ARHGAP28: variants seen among roughly 807,000 people sequenced by gnomAD.
ARHGAP28 encodes Rho GTPase activating protein 28, also known as rho GTPase-activating protein 28.
A neutral mutation model predicts 90.7 loss-of-function variants in ARHGAP28; 56 were observed. The ratio of observed to expected loss-of-function variants is 0.62; its 90% confidence interval spans 0.50 to 0.77. ARHGAP28 has a LOEUF of 0.77. Ranked by LOEUF, ARHGAP28 falls within the 30% of genes least tolerant of loss-of-function variation. The pLI, the probability that ARHGAP28 is intolerant of heterozygous loss-of-function variation, is 0.00. For missense variants in ARHGAP28, 869 were observed against 900.9 expected (o/e 0.96, Z 0.45); for synonymous variants, 308 against 323.3 (o/e 0.95, Z 0.51).
intron 1 of ARHGAP28, among the ~76,000 whole-genome samples, chr18:6,812,101 A>G (rs925413694): frequency 6.6e-6 from 1 of 152,158 alleles, no homozygotes; most frequent in Non-Finnish European, 1.5e-5. Flanking sequence ...GCTAGTCTTT[A>G]TTTAATTCAT....
rs1485414150 is a variant in ARHGAP28, at chr18:6,837,085, C to T, written c.326-112C>T. 3 of 770,948 alleles carry T rather than the reference C, an allele frequency of 3.9e-6. No individual in the cohort carries two copies. In the African/African-American group the frequency reaches 5.3e-5, roughly 14 times the overall value. 47.8% of individuals were successfully genotyped at this position (770,948 alleles called of 1,614,324 possible). A position where few individuals can be genotyped will look rare whatever the true frequency, so the allele number is the denominator to read the frequency against. Reference sequence around the variant, plus strand: ...TTCTTGTAGTTCTTTCCCATAATTACTGTAGAAAAAAAATACAAATATTAT... The same window carrying T: ...TTCTTGTAGTTCTTTCCCATAATTATTGTAGAAAAAAAATACAAATATTAT... On this transcript the variant is annotated intron_variant, in intron 2 of 17. Transcript: ENST00000383472.
chr18:6,904,220 C>G (rs183119633), intron 16 of ARHGAP28, among the ~76,000 whole-genome samples: 28 of 152,192 alleles, frequency 1.8e-4, no homozygotes, highest in Non-Finnish European at 4.0e-4. Context: ...ATGGCGAACC[C>G]TCATCTCTAG....
intron 3 of ARHGAP28, among the ~76,000 whole-genome samples, chr18:6,843,303 T>C (rs2056842012): frequency 6.6e-6 from 1 of 152,210 alleles, no homozygotes; most frequent in Admixed American, 6.5e-5. Flanking sequence ...ACTGCCGCTC[T>C]TCAGTGTCTG....
intron 2 of ARHGAP28, among the ~76,000 whole-genome samples, chr18:6,835,170 A>C (rs141788882): frequency 9.7e-4 from 148 of 152,244 alleles, no homozygotes; most frequent in African/African-American, 3.5e-3. Flanking sequence ...CCTCTGATTT[A>C]TGTCAACTCC....
At chr18:6,777,136 C>T (rs766864531) in intron 1 of ARHGAP28, among the ~76,000 whole-genome samples, 7 of 152,012 alleles carry the variant, frequency 4.6e-5, no homozygotes, top group East Asian at 3.9e-4. Flanking sequence ...ACCAGTTAGG[C>T]GGTGCAATAA....
chr18:6,908,125 G>A (rs189574730), intron 16 of ARHGAP28, among the ~76,000 whole-genome samples: 3 of 149,374 alleles, frequency 2.0e-5, no homozygotes, highest in Admixed American at 6.7e-5. Flanking sequence ...ATTTTATTTT[G>A]TTTTATTTTA....
At chr18:6,856,544 C>G (rs1375510616) in intron 4 of ARHGAP28, among the ~76,000 whole-genome samples, 7 of 152,148 alleles carry the variant, frequency 4.6e-5, no homozygotes, top group African/African-American at 1.2e-4. Context: ...GGGTCTCACT[C>G]TGTTGTCCAG....
At chr18:6,791,844 T>TG (rs1440058910) in intron 1 of ARHGAP28, among the ~76,000 whole-genome samples, 2 of 152,212 alleles carry the variant, frequency 1.3e-5, no homozygotes, top group East Asian at 1.9e-4. Flanking sequence ...TGTGGGTTTT[T>TG]TTTGTTTGTT....
intron 2 of ARHGAP28, among the ~76,000 whole-genome samples, chr18:6,826,599 G>A (rs919300125): frequency 2.7e-5 from 4 of 150,214 alleles, no homozygotes; most frequent in Non-Finnish European, 4.4e-5. Flanking sequence ...CATCTCCCAC[G>A]AGCGCGTATG....
intron 5 of ARHGAP28, 33 bp downstream of exon 5, chr18:6,859,930 A>C: frequency 8.2e-6 from 13 of 1,586,146 alleles, no homozygotes; most frequent in Non-Finnish European, 1.0e-5. Context: ...GTTACATGTC[A>C]AGGTACAGTT....
chr18:6,782,531 C>T (rs753508787), intron 1 of ARHGAP28, among the ~76,000 whole-genome samples: 6 of 144,724 alleles, frequency 4.1e-5, no homozygotes, highest in Non-Finnish European at 7.5e-5. Flanking sequence ...GATTCTCATG[C>T]GTCAGCTTCC....
At chr18:6,859,676 A>G in intron 4 of ARHGAP28, 132 bp from the exon 5 acceptor site, 7 of 884,232 alleles carry the variant, frequency 7.9e-6, no homozygotes, top group Non-Finnish European at 1.2e-5. Flanking sequence ...GTTGGATGCA[A>G]TTGTCCATGC....
chr18:6,832,120 C>T (rs530473332), intron 2 of ARHGAP28, among the ~76,000 whole-genome samples: 4 of 152,020 alleles, frequency 2.6e-5, no homozygotes, highest in East Asian at 3.9e-4. Context: ...ATAAGCATTG[C>T]TATCACTCCA....
At chr18:6,827,454 G>A (rs2056677003) in intron 2 of ARHGAP28, among the ~76,000 whole-genome samples, 1 of 146,522 alleles carries the variant, frequency 6.8e-6, no homozygotes, top group South Asian at 2.2e-4. Context: ...GCGGCTGGCC[G>A]GGCAGAGGGG....
At chr18:6,884,150 A>G (rs989229312) in intron 11 of ARHGAP28, among the ~76,000 whole-genome samples, 1 of 152,096 alleles carries the variant, frequency 6.6e-6, no homozygotes, top group African/African-American at 2.4e-5. Flanking sequence ...TGAGGTGGGC[A>G]GATCACGAGT....
Position 6,889,986 on chromosome 18 carries a change from C to G in ARHGAP28, c.1635C>G (p.Phe545Leu), listed in dbSNP as rs1450132993. The G allele has an allele frequency of 6.2e-7, 1 of 1,614,070 alleles. No individual in the cohort carries two copies. Among genetic ancestry groups the G allele is most frequent in the African/African-American group, 1.3e-5 (1 of 74,924 alleles). ...ISTVMAPNLFFSRSKHSDYEE... is the reference protein window; with the variant it reads ...ISTVMAPNLFLSRSKHSDYEE... ...CAGTGATGGCACCAAACCTTTTCTTCAGTAGAAGCAAACACTCTGATTATG... is the reference window on the plus strand; with the variant it reads ...CAGTGATGGCACCAAACCTTTTCTTGAGTAGAAGCAAACACTCTGATTATG... The change falls in exon 13 of 18, where the codon TTC becomes TTG. Residue 545 changes from phenylalanine to leucine, a missense_variant. Phe to Leu is a conservative substitution (Grantham distance 22). Coordinates refer to ENST00000383472, the MANE Select transcript of ARHGAP28 (RefSeq NM_001366230.1).
At chr18:6,737,271 G>A (rs1292806456) in intron 1 of ARHGAP28, among the ~76,000 whole-genome samples, 1 of 152,100 alleles carries the variant, frequency 6.6e-6, no homozygotes, top group Non-Finnish European at 1.5e-5. Flanking sequence ...TTTTCTTAAT[G>A]ACTGTTATCA....
chr18:6,741,782 C>G (rs976040309), intron 1 of ARHGAP28, among the ~76,000 whole-genome samples: 1 of 152,200 alleles, frequency 6.6e-6, no homozygotes, highest in Non-Finnish European at 1.5e-5. Flanking sequence ...TCCCCTACCC[C>G]CAACCCTGCC....
At chr18:6,862,258 C>G (rs8099234) in intron 5 of ARHGAP28, among the ~76,000 whole-genome samples, 6,587 of 152,130 alleles carry the variant, frequency 0.043, 449 homozygotes, top group African/African-American at 0.15. Flanking sequence ...ATCCGGTAAT[C>G]AAATGAAGCA....
Sources: gnomAD v4.1 joint callset for allele counts (sites outside exome capture counted in the v4.1 genomes callset) on GRCh38, gnomAD v4.1.1 for gene constraint, MANE v1.5 for transcripts, NCBI Gene and HGNC (gene_info 2026-07-23, HGNC 2026-07-21) for gene names.